TACR1: variants seen among roughly 807,000 people sequenced by gnomAD.
TACR1 encodes tachykinin receptor 1.
Under a neutral mutation model 35.8 loss-of-function variants are expected in TACR1, and 25 were observed. The observed-to-expected ratio is 0.70, with a 90% CI of 0.51 to 0.98. The LOEUF (loss-of-function observed/expected upper bound fraction) is 0.98, where lower values mean the gene tolerates loss of function less well. TACR1 is among the 50% of genes least tolerant of loss of function. The pLI is 0.00. For synonymous variants in TACR1, 195 were observed against 206.7 expected (o/e 0.94, Z 0.48); for missense variants, 478 against 522.9 (o/e 0.91, Z 0.84).
intron 1 of TACR1, among the ~76,000 whole-genome samples, chr2:75,190,318 A>G (rs1288134870): frequency 6.6e-6 from 1 of 152,218 alleles, no homozygotes; most frequent in South Asian, 2.1e-4. Context: ...GGTTTTCTGG[A>G]CCATGATATA....
At position 75,169,749 on chromosome 2, in the gene TACR1, A is replaced by C. The variant is rs144431788; in HGVS notation, c.389+28797T>G. 5.6e-3 allele frequency among the ~76,000 whole-genome samples: 845 copies of C among 152,236 alleles called. 5 individuals carry two copies. Among genetic ancestry groups the C allele is most frequent in the Non-Finnish European group, 7.2e-3 (488 of 68,000 alleles). On this transcript the variant is annotated intron_variant, in intron 1 of 4. Coordinates refer to ENST00000305249, the MANE Select transcript of TACR1 (RefSeq NM_001058.4). Reference sequence around the variant, plus strand: ...CTCAGGAAAGTTTTATTCTATTGTAATTTTATGATAGCTATTCAACTTATG... The same window carrying C: ...CTCAGGAAAGTTTTATTCTATTGTACTTTTATGATAGCTATTCAACTTATG...
chr2:75,060,429 T>C (rs929240424), intron 2 of TACR1, among the ~76,000 whole-genome samples: 1 of 151,844 alleles, frequency 6.6e-6, no homozygotes, highest in African/African-American at 2.4e-5. Context: ...GATATACAAG[T>C]TGGAGGTAGG....
chr2:75,071,375 C>T (rs1437154842), intron 2 of TACR1, among the ~76,000 whole-genome samples: 1 of 152,218 alleles, frequency 6.6e-6, no homozygotes, highest in African/African-American at 2.4e-5. Flanking sequence ...CAATCCAAAT[C>T]TTATCCTTCT....
At chr2:75,126,874 G>T (rs187541543) in intron 1 of TACR1, among the ~76,000 whole-genome samples, 4 of 152,094 alleles carry the variant, frequency 2.6e-5, no homozygotes, top group African/African-American at 9.7e-5. Flanking sequence ...ACCTGTGGCC[G>T]CAAGCATATG....
At chr2:75,161,172 A>G (rs1481057636) in intron 1 of TACR1, among the ~76,000 whole-genome samples, 1 of 152,126 alleles carries the variant, frequency 6.6e-6, no homozygotes, top group African/African-American at 2.4e-5. Context: ...AAACAAACAA[A>G]AACCACACTA....
rs199593242 is a variant in TACR1 at position 75,053,700 on chromosome 2, A to G, written c.640T>C (p.Tyr214His). The G allele has an allele frequency of 1.2e-6, 2 of 1,614,068 alleles. No individual in the cohort carries two copies. Among genetic ancestry groups the G allele is most frequent in the Non-Finnish European group, 1.7e-6 (2 of 1,179,964 alleles). ...IYFLPLLVIG[Y>H]AYTVVGITLW... ...GTGATTCCCACTACGGTGTATGCAT[A>G]GCCAATCACCAGCAGGGGGAGGAAG... The change falls in exon 3 of 5, where the codon TAT becomes CAT. Residue 214 changes from tyrosine (Y) to histidine (H), a missense_variant. Transcript: ENST00000305249.
At chr2:75,125,018 C>A (rs952412592) in intron 1 of TACR1, among the ~76,000 whole-genome samples, 1 of 152,168 alleles carries the variant, frequency 6.6e-6, no homozygotes, top group Admixed American at 6.5e-5. Flanking sequence ...TTTTCCTCCT[C>A]GATCCCTTCC....
At chr2:75,083,150 C>T (rs1396864965) in intron 2 of TACR1, among the ~76,000 whole-genome samples, 4 of 152,178 alleles carry the variant, frequency 2.6e-5, no homozygotes, top group Non-Finnish European at 4.4e-5. Flanking sequence ...ATATGGCTAG[C>T]TAGTTTTCCC....
intron 1 of TACR1, among the ~76,000 whole-genome samples, chr2:75,146,540 T>C (rs1674518217): frequency 6.6e-6 from 1 of 152,216 alleles, no homozygotes; most frequent in Non-Finnish European, 1.5e-5. Flanking sequence ...TGTATTTGGC[T>C]TCTAGGAGAT....
intron 2 of TACR1, among the ~76,000 whole-genome samples, chr2:75,057,820 G>C (rs1245436891): frequency 6.6e-6 from 1 of 152,200 alleles, no homozygotes; most frequent in Non-Finnish European, 1.5e-5. Flanking sequence ...GGAAGGTGGT[G>C]ATGGTTGCAC....
chr2:75,159,454 TA>T (rs542995890), intron 1 of TACR1, among the ~76,000 whole-genome samples: 17 of 152,330 alleles, frequency 1.1e-4, no homozygotes, highest in Admixed American at 8.5e-4. Flanking sequence ...CTAGTTTCTG[TA>T]AAACTGGAAA....
chr2:75,157,019 C>G (rs1674877434), intron 1 of TACR1, among the ~76,000 whole-genome samples: 1 of 152,144 alleles, frequency 6.6e-6, no homozygotes, highest in African/African-American at 2.4e-5. Context: ...GTGCTCCATC[C>G]ATTTCTCCAA....
chr2:75,191,035 A>T (rs899262411), intron 1 of TACR1, among the ~76,000 whole-genome samples: 1 of 152,162 alleles, frequency 6.6e-6, no homozygotes, highest in African/African-American at 2.4e-5. Context: ...GCTGATTCGT[A>T]TGTCTCCAGG....
chr2:75,139,105 C>A (rs1260746616), intron 1 of TACR1, among the ~76,000 whole-genome samples: 1 of 152,102 alleles, frequency 6.6e-6, no homozygotes, highest in Non-Finnish European at 1.5e-5. Context: ...TTAATTAAGG[C>A]TTCTAAAGGA....
chr2:75,056,737 TA>T (rs1028474713), intron 2 of TACR1, among the ~76,000 whole-genome samples: 2 of 152,218 alleles, frequency 1.3e-5, no homozygotes, highest in African/African-American at 2.4e-5. Context: ...TATCAGCCTT[TA>T]AAAAATCCCT....
chr2:75,163,455 T>C (rs947793883), intron 1 of TACR1, among the ~76,000 whole-genome samples: 6 of 152,212 alleles, frequency 3.9e-5, no homozygotes, highest in Non-Finnish European at 8.8e-5. Context: ...ATAATAAGTT[T>C]TGTGTTTCAT....
chr2:75,126,681 A>G (rs1053310346), intron 1 of TACR1, among the ~76,000 whole-genome samples: 4 of 152,228 alleles, frequency 2.6e-5, no homozygotes, highest in Non-Finnish European at 5.9e-5. Context: ...ACAGCAAAAG[A>G]AACTATCAAC....
At chr2:75,100,744 T>C (rs1172388168) in intron 2 of TACR1, among the ~76,000 whole-genome samples, 1 of 152,216 alleles carries the variant, frequency 6.6e-6, no homozygotes, top group Non-Finnish European at 1.5e-5. Context: ...ATGAATAAAA[T>C]GATAAATCAC....
At chr2:75,051,867 G>A (rs548534591) in intron 3 of TACR1, among the ~76,000 whole-genome samples, 46 of 152,238 alleles carry the variant, frequency 3.0e-4, no homozygotes, top group African/African-American at 9.9e-4. Context: ...AAATTAATGA[G>A]CAAAGGTGAA....
Sources: allele counts gnomAD v4.1 joint callset (sites outside exome capture counted in the v4.1 genomes callset), GRCh38; gene constraint gnomAD v4.1.1; transcripts MANE v1.5; gene names NCBI Gene and HGNC (gene_info 2026-07-23, HGNC 2026-07-21).